The following CFDP1 variants were observed in gnomAD, a reference collection of about 807,000 sequenced individuals.
The protein encoded by CFDP1 is heterochromatin-stabilizing protein CFDP1.
CFDP1 carries 31 observed loss-of-function variants against 40.1 expected under a neutral mutation model. The observed-to-expected ratio is 0.77, with a 90% CI of 0.58 to 1.04. The LOEUF is 1.04. Among genes scored for constraint, CFDP1 ranks in the 50% least tolerant of loss-of-function variants. CFDP1 has a pLI of 0.00. For synonymous variants in CFDP1, 167 were observed against 120.0 expected, an observed-to-expected ratio of 1.39 and a Z score of -2.56; for missense variants, 423 against 343.4, an observed-to-expected ratio of 1.23 and a Z score of -1.83.
chr16:75,425,151 C>T (rs998955608), intron 1 of CFDP1, among the ~76,000 whole-genome samples: 16 of 152,068 alleles, frequency 1.1e-4, no homozygotes, highest in African/African-American at 3.4e-4. Context: ...CTTCCCAAAA[C>T]GGTCTACAGA....
intron 1 of CFDP1, among the ~76,000 whole-genome samples, chr16:75,430,765 AAC>A (rs1001193510): frequency 6.6e-6 from 1 of 152,110 alleles, no homozygotes; most frequent in Non-Finnish European, 1.5e-5. Context: ...CTCGGCTGAG[AAC>A]ACAGTTTTAT....
rs2078162979 is a variant in CFDP1 at position 75,293,854 on chromosome 16, G to A, written c.*98C>T. 1 of 964,542 alleles carries A rather than the reference G, an allele frequency of 1.0e-6. No individual in the cohort carries two copies. The highest frequency in any genetic ancestry group is 1.6e-6 in the Non-Finnish European group (1 of 634,572). 59.7% of individuals were successfully genotyped at this position (964,542 alleles called of 1,614,324 possible). On this transcript the variant is annotated 3_prime_UTR_variant, in exon 7 of 7. Transcript: ENST00000283882. ...TGTAGAAAAAAAAAAGACCTTGCTGGGAAACAGATGATGAGAAACACTGTA... is the reference window on the plus strand; with the variant it reads ...TGTAGAAAAAAAAAAGACCTTGCTGAGAAACAGATGATGAGAAACACTGTA...
At chr16:75,380,165 T>C (rs996048179) in intron 5 of CFDP1, 2 of 151,336 alleles carry the variant, frequency 1.3e-5, no homozygotes, top group East Asian at 1.9e-4. Context: ...AAAAGCTACA[T>C]AGGGTATCTG....
At chr16:75,330,566 GC>G (rs1198361294) in intron 5 of CFDP1, among the ~76,000 whole-genome samples, 1 of 152,174 alleles carries the variant, frequency 6.6e-6, no homozygotes, top group Non-Finnish European at 1.5e-5. Context: ...TCCAGCCTGG[GC>G]AACAAGAGTG....
intron 5 of CFDP1, among the ~76,000 whole-genome samples, chr16:75,367,431 A>G (rs2078722531): frequency 2.7e-5 from 1 of 37,292 alleles, no homozygotes; most frequent in Non-Finnish European, 9.1e-5. Flanking sequence ...CTCCAGAACT[A>G]AAAAAAAAAA....
intron 5 of CFDP1, among the ~76,000 whole-genome samples, chr16:75,332,198 C>T (rs2078450845): frequency 6.6e-6 from 1 of 152,156 alleles, no homozygotes; most frequent in South Asian, 2.1e-4. Context: ...GGTGCGGTGG[C>T]TCACGCCTGT....
rs1169082271 is a variant in CFDP1, at chr16:75,397,298, T to C, written c.531-2089A>G. 2.0e-5 allele frequency among the ~76,000 whole-genome samples: 3 copies of C among 151,060 alleles called. No homozygotes were observed. In the East Asian group the frequency reaches 6.0e-4, roughly 30 times the overall value. On this transcript the variant is annotated intron_variant, in intron 4 of 6. Transcript: ENST00000283882. ...GGGAGGCCAAAGTGGGCAGATCATTTGAGGTCAGGAGTTCGAGACCAGCCT... is the reference window on the plus strand; with the variant it reads ...GGGAGGCCAAAGTGGGCAGATCATTCGAGGTCAGGAGTTCGAGACCAGCCT...
chr16:75,431,768 C>T (rs1009666991), intron 1 of CFDP1, among the ~76,000 whole-genome samples: 2 of 152,146 alleles, frequency 1.3e-5, no homozygotes, highest in Non-Finnish European at 2.9e-5. Context: ...GGAAGGAGGT[C>T]AGGGGCTACT....
intron 5 of CFDP1, among the ~76,000 whole-genome samples, chr16:75,359,061 T>C (rs570097054): frequency 6.6e-6 from 1 of 152,176 alleles, no homozygotes; most frequent in African/African-American, 2.4e-5. Context: ...AACTACATAT[T>C]TGAGTGAGAC....
intron 4 of CFDP1, among the ~76,000 whole-genome samples, chr16:75,408,007 G>C (rs2079118103): frequency 6.6e-6 from 1 of 152,024 alleles, no homozygotes; most frequent in Non-Finnish European, 1.5e-5. Context: ...GGCAGGCTGA[G>C]GTGGGAGAAT....
intron 4 of CFDP1, among the ~76,000 whole-genome samples, chr16:75,408,561 A>G (rs1292219096): frequency 6.6e-6 from 1 of 151,946 alleles, no homozygotes; most frequent in Non-Finnish European, 1.5e-5. Context: ...GGTGGATCAT[A>G]AGGTCAAGAT....
intron 1 of CFDP1, among the ~76,000 whole-genome samples, chr16:75,432,259 G>A (rs1395243852): frequency 6.7e-6 from 1 of 149,808 alleles, no homozygotes; most frequent in South Asian, 2.1e-4. Flanking sequence ...CACTAGCCGG[G>A]GCGCGGTGGC....
At chr16:75,413,670 C>A (rs2079181662) in intron 2 of CFDP1, among the ~76,000 whole-genome samples, 1 of 151,250 alleles carries the variant, frequency 6.6e-6, no homozygotes, top group Non-Finnish European at 1.5e-5. Context: ...TATCTACATT[C>A]TTTTTTCTTT....
chr16:75,420,147 AT>A, intron 1 of CFDP1, among the ~76,000 whole-genome samples: 1 of 151,846 alleles, frequency 6.6e-6, no homozygotes, highest in Middle Eastern at 3.4e-3. Flanking sequence ...TTAAAAAGCA[AT>A]TTAAGTTTTA....
intron 5 of CFDP1, among the ~76,000 whole-genome samples, chr16:75,333,122 CTTTTTTTTTT>C (rs1281826055): frequency 1.1e-4 from 10 of 87,186 alleles, no homozygotes; most frequent in Non-Finnish European, 2.1e-4. Flanking sequence ...TACTCATGTT[CTTTTTTTTTT>C]TTTTTTTTTG....
At chr16:75,310,929 T>C (rs537886722) in intron 5 of CFDP1, among the ~76,000 whole-genome samples, 1 of 152,312 alleles carries the variant, frequency 6.6e-6, no homozygotes, top group East Asian at 1.9e-4. Context: ...ATTGCATTCA[T>C]TCAACAGAGA....
intron 5 of CFDP1, among the ~76,000 whole-genome samples, chr16:75,387,232 C>G (rs1007276360): frequency 1.3e-4 from 19 of 151,986 alleles, no homozygotes; most frequent in Non-Finnish European, 2.6e-4. Context: ...GCTCCGCCTC[C>G]CGGGCTCACG....
chr16:75,395,100 C>A lies in CFDP1; in HGVS notation c.640G>T (p.Ala214Ser). The A allele has an allele frequency of 2.5e-6, 4 of 1,613,754 alleles. No homozygotes were observed. The highest frequency in any genetic ancestry group is 1.3e-5 in the African/African-American group (1 of 75,004). Residue 214 changes from alanine (A) to serine (S), a missense_variant, in exon 5 of 7, where the codon GCC becomes TCC. Coordinates refer to ENST00000283882, the MANE Select transcript of CFDP1 (RefSeq NM_006324.3). ...NVPSALPSLPAGSGLKRSSGM... is the reference protein window; with the variant it reads ...NVPSALPSLPSGSGLKRSSGM... ...GACTCAAATACTCACCCTGACCCGG[C>A]AGGGAGTGATGGCAGAGCTGAAGGA...
intron 2 of CFDP1, among the ~76,000 whole-genome samples, chr16:75,414,212 A>C (rs538203241): frequency 6.6e-6 from 1 of 151,082 alleles, no homozygotes; most frequent in Non-Finnish European, 1.5e-5. Context: ...TTTTTTTCTA[A>C]AAAAAAAATG....
Sources: gnomAD v4.1 joint callset for allele counts (sites outside exome capture counted in the v4.1 genomes callset) on GRCh38, gnomAD v4.1.1 for gene constraint, MANE v1.5 for transcripts, NCBI Gene and HGNC (gene_info 2026-07-23, HGNC 2026-07-21) for gene names.